The following RAPGEF4 variants were observed in gnomAD, a reference collection of about 807,000 sequenced individuals.
RAPGEF4 encodes the protein Rap guanine nucleotide exchange factor 4.
In RAPGEF4, 66 loss-of-function variants were observed where a neutral mutation model predicts 147.9. That is an observed-to-expected ratio of 0.45 (90% CI 0.37 to 0.55). RAPGEF4 has a LOEUF of 0.55. RAPGEF4 is among the 20% of genes least tolerant of loss of function. The pLI is 0.00. For synonymous variants in RAPGEF4, 419 were observed against 442.7 expected, an observed-to-expected ratio of 0.95 and a Z score of 0.67; for missense variants, 1,071 against 1,257.3, an observed-to-expected ratio of 0.85 and a Z score of 2.24.
chr2:172,770,777 C>G, intron 1 of RAPGEF4, among the ~76,000 whole-genome samples: 1 of 152,158 alleles, frequency 6.6e-6, no homozygotes, highest in Non-Finnish European at 1.5e-5. Flanking sequence ...AGAACTGGTT[C>G]TTTAGGCCAG....
intron 1 of RAPGEF4, among the ~76,000 whole-genome samples, chr2:172,754,023 G>A (rs1695542458): frequency 6.6e-6 from 1 of 152,118 alleles, no homozygotes; most frequent in Non-Finnish European, 1.5e-5. Flanking sequence ...AAAAGTTACA[G>A]GCTATGATTT....
intron 4 of RAPGEF4, among the ~76,000 whole-genome samples, chr2:172,843,669 A>G (rs536126026): frequency 3.9e-5 from 6 of 152,226 alleles, no homozygotes; most frequent in Admixed American, 6.5e-5. Context: ...AGCTGTTTAT[A>G]GTCTCTATTC....
intron 1 of RAPGEF4, among the ~76,000 whole-genome samples, chr2:172,763,626 C>G (rs975455300): frequency 1.3e-5 from 2 of 152,100 alleles, no homozygotes; most frequent in Non-Finnish European, 2.9e-5. Context: ...CAAGAAGCCC[C>G]CCATGTAGCC....
At chr2:172,985,574 G>A (rs928443879) in intron 12 of RAPGEF4, 81 bp downstream of exon 12, 20 of 1,565,314 alleles carry the variant, frequency 1.3e-5, no homozygotes, top group African/African-American at 1.2e-4. Flanking sequence ...GGCTGCTAAC[G>A]CCTCACTTCT....
chr2:173,051,102 G>A (rs1345893930), intron 30 of RAPGEF4, among the ~76,000 whole-genome samples: 1 of 152,162 alleles, frequency 6.6e-6, no homozygotes. Flanking sequence ...TTCTGAATAT[G>A]GACAGTCTCT....
chr2:172,787,529 C>A (rs996655475), intron 1 of RAPGEF4, among the ~76,000 whole-genome samples: 1 of 151,790 alleles, frequency 6.6e-6, no homozygotes, highest in African/African-American at 2.4e-5. Context: ...AGAAATAAGA[C>A]CCAACTAGTA....
At chr2:172,978,341 G>A (rs531377830) in intron 10 of RAPGEF4, among the ~76,000 whole-genome samples, 1 of 152,350 alleles carries the variant, frequency 6.6e-6, no homozygotes, top group Admixed American at 6.5e-5. Context: ...TGCCAAAATA[G>A]CAAGGATTTC....
Position 173,009,140 on chromosome 2 carries a change from C to T in RAPGEF4, c.1659-5324C>T, listed in dbSNP as rs770407571. Among the ~76,000 whole-genome samples, 5 of 152,094 alleles carry T rather than the reference C, an allele frequency of 3.3e-5. No individual in the cohort carries two copies. The East Asian group carries it at 9.6e-4, about 29-fold the overall frequency. On this transcript the variant is annotated intron_variant, in intron 17 of 30. Transcript: ENST00000397081. ...TGAAAGATTCTATTTAAAAGATGTA[C>T]CAGATGTTTTACAATTAAATTCTTT...
intron 4 of RAPGEF4, among the ~76,000 whole-genome samples, chr2:172,833,076 C>A (rs1248697272): frequency 6.7e-6 from 1 of 149,200 alleles, no homozygotes; most frequent in Admixed American, 6.8e-5. Context: ...TGGTAACACA[C>A]GCCTGTAATC....
intron 4 of RAPGEF4, among the ~76,000 whole-genome samples, chr2:172,848,209 C>T (rs1330491580): frequency 1.3e-5 from 2 of 152,120 alleles, no homozygotes; most frequent in African/African-American, 4.8e-5. Context: ...GCGCAGGGCA[C>T]TTCTCCCTGA....
At chr2:172,988,367 A>G (rs1692486350) in intron 13 of RAPGEF4, 95 bp downstream of exon 13, 1 of 1,493,878 alleles carries the variant, frequency 6.7e-7, no homozygotes, top group Non-Finnish European at 8.9e-7. Flanking sequence ...TAAATTTGCA[A>G]CAACATTGCT....
chr2:172,902,757 A>G (rs1699207212), intron 4 of RAPGEF4, among the ~76,000 whole-genome samples: 1 of 152,162 alleles, frequency 6.6e-6, no homozygotes, highest in Non-Finnish European at 1.5e-5. Context: ...ATAAGAACAT[A>G]CCCTGCAGAG....
At chr2:172,972,537 C>T (rs1690604654) in intron 10 of RAPGEF4, among the ~76,000 whole-genome samples, 1 of 152,190 alleles carries the variant, frequency 6.6e-6, no homozygotes, top group African/African-American at 2.4e-5. Flanking sequence ...GTGACCTTCA[C>T]CTTGGTCTTT....
At chr2:172,763,876 TC>T (rs1382406693) in intron 1 of RAPGEF4, among the ~76,000 whole-genome samples, 2 of 152,306 alleles carry the variant, frequency 1.3e-5, no homozygotes, top group African/African-American at 4.8e-5. Context: ...TATTCATATT[TC>T]CTTTTTTTGG....
chr2:172,885,234 C>A (rs557220933), intron 4 of RAPGEF4, among the ~76,000 whole-genome samples: 1 of 152,248 alleles, frequency 6.6e-6, no homozygotes, highest in Non-Finnish European at 1.5e-5. Context: ...GGGTCCCCAG[C>A]AGGACAGAGC....
intron 4 of RAPGEF4, among the ~76,000 whole-genome samples, chr2:172,910,502 C>A (rs1403464023): frequency 1.3e-5 from 2 of 152,200 alleles, no homozygotes; most frequent in Non-Finnish European, 2.9e-5. Context: ...ATGAAGCAAC[C>A]ACCATTCTAT....
In RAPGEF4 at chr2:173,042,110, T is replaced by C. The variant is rs770387374; in HGVS notation, c.2853+5418T>C. On this transcript the variant is annotated intron_variant, in intron 29 of 30. Transcript: ENST00000397081. This position sits in a 1 kb window ranked among gnomAD's most constrained non-coding sequence, Gnocchi z 4.2. ...CTTCAATGTCTTCCCTACCAGAATG[T>C]AAGTGCCCTGGCCCAGGTATCTGTT... Among the ~76,000 whole-genome samples the C allele has an allele frequency of 9.9e-5, 15 of 152,196 alleles. No homozygotes were observed. Among genetic ancestry groups the C allele is most frequent in the Non-Finnish European group, 1.6e-4 (11 of 68,040 alleles).
intron 4 of RAPGEF4, among the ~76,000 whole-genome samples, chr2:172,880,559 C>T (rs188575885): frequency 6.6e-6 from 1 of 150,782 alleles, no homozygotes; most frequent in Non-Finnish European, 1.5e-5. Context: ...CTTTTGAAAA[C>T]CTGGGCTTTC....
intron 25 of RAPGEF4, among the ~76,000 whole-genome samples, chr2:173,028,558 T>A (rs1253037812): frequency 2.6e-5 from 4 of 151,836 alleles, no homozygotes; most frequent in Non-Finnish European, 4.4e-5. Flanking sequence ...GACTTTTTTT[T>A]ATATATATAT....
Sources: allele counts gnomAD v4.1 joint callset (sites outside exome capture counted in the v4.1 genomes callset), GRCh38; gene constraint gnomAD v4.1.1; non-coding constraint Gnocchi (gnomAD v3.1); transcripts MANE v1.5; gene names NCBI Gene and HGNC (gene_info 2026-07-23, HGNC 2026-07-21).